BEND3: variants seen among roughly 807,000 people sequenced by gnomAD.
The protein encoded by BEND3 is BEN domain containing 3.
A neutral mutation model predicts 60.1 loss-of-function variants in BEND3; 13 were observed. The ratio of observed to expected loss-of-function variants is 0.22; its 90% confidence interval spans 0.14 to 0.34. The LOEUF is 0.34. Ranked by LOEUF, BEND3 falls within the 10% of genes least tolerant of loss-of-function variation. The pLI, the probability that BEND3 is intolerant of heterozygous loss-of-function variation, is 1.00. For synonymous variants in BEND3, 497 were observed against 491.5 expected, an observed-to-expected ratio of 1.01 and a Z score of -0.15; for missense variants, 896 against 1,138.1, an observed-to-expected ratio of 0.79 and a Z score of 3.06.
chr6:107,092,918 CAA>C (rs1775507262), intron 3 of BEND3, among the ~76,000 whole-genome samples: 1 of 151,964 alleles, frequency 6.6e-6, no homozygotes. Context: ...ATAAACCTAA[CAA>C]AATACATATG....
At chr6:107,088,264 C>G (rs1582656704) in intron 3 of BEND3, among the ~76,000 whole-genome samples, 1 of 151,864 alleles carries the variant, frequency 6.6e-6, no homozygotes, top group Admixed American at 6.6e-5. Flanking sequence ...TTAATAGATA[C>G]CTCAAAAACA....
At position 107,104,345 on chromosome 6, in the gene BEND3, G is replaced by A. The variant is rs532264763; in HGVS notation, c.-11-5049C>T. On this transcript the variant is annotated intron_variant, in intron 1 of 3. Transcript: ENST00000369042. The stretch of plus-strand genomic sequence containing the variant: ...ATCACAAAGAGATAGGCTGGAAAGA[G>A]TTACACACTACAGGACACTTCATCT... Among the ~76,000 whole-genome samples the A allele has an allele frequency of 2.7e-5, 4 of 150,926 alleles. No homozygotes were observed. In the East Asian group the frequency reaches 7.8e-4, roughly 29 times the overall value.
At chr6:107,081,969 C>T (rs1436713037) in intron 3 of BEND3, among the ~76,000 whole-genome samples, 4 of 152,160 alleles carry the variant, frequency 2.6e-5, no homozygotes, top group Admixed American at 6.6e-5. Context: ...ACCTGATGTA[C>T]ACATGGACAC....
intron 1 of BEND3, among the ~76,000 whole-genome samples, chr6:107,114,588 C>G (rs1443064070): frequency 1.3e-5 from 2 of 150,596 alleles, no homozygotes; most frequent in Non-Finnish European, 3.0e-5. Context: ...TCCGACACCC[C>G]CTTCCACACG....
At position 107,073,197 on chromosome 6, in the gene BEND3, GTATGTATA is replaced by G. The variant is rs1183335452; in HGVS notation, c.241-2255_241-2248del. Among the ~76,000 whole-genome samples, 20 of 30,218 alleles carry G rather than the reference GTATGTATA, an allele frequency of 6.6e-4. 2 individuals carry two copies. Among genetic ancestry groups the G allele is most frequent in the South Asian group, 4.9e-3 (5 of 1,028 alleles). 19.8% of individuals were successfully genotyped at this position (30,218 alleles called of 152,430 possible). ...AATACTTCCTTCAGGGTTTGTATGT[GTATGTATA>G]TATATATATATATATATATATATAT... On this transcript the variant is annotated intron_variant, in intron 3 of 3. Coordinates refer to ENST00000369042, the MANE Select transcript of BEND3 (RefSeq NM_001367314.1).
chr6:107,093,906 A>G (rs190442515), intron 3 of BEND3, among the ~76,000 whole-genome samples: 3 of 152,374 alleles, frequency 2.0e-5, no homozygotes, highest in African/African-American at 7.2e-5. Context: ...ATTAAAAGTA[A>G]ACATTTCTGC....
Position 107,069,166 on chromosome 6 carries a change from G to C in BEND3, c.2025C>G (p.Ile675Met). The change falls in exon 4 of 4, where the codon ATC becomes ATG. Residue 675 changes from isoleucine (I) to methionine (M), a missense_variant. Ile to Met is a conservative substitution (Grantham distance 10, BLOSUM62 1). Transcript: ENST00000369042. ...PECRDLTSYA[I>M]NPERFREEFE... ...ACTCCTCCCGGAACCTCTCGGGGTT[G>C]ATTGCATAGCTGGTCAAGTCTCTGC... 2.5e-6 allele frequency: 4 copies of C among 1,612,668 alleles called. No individual in the cohort carries two copies. The highest frequency in any genetic ancestry group is 3.4e-6 in the Non-Finnish European group (4 of 1,180,038).
At chr6:107,114,655 C>T (rs1490048733) in intron 1 of BEND3, among the ~76,000 whole-genome samples, 1 of 135,712 alleles carries the variant, frequency 7.4e-6, no homozygotes, top group Non-Finnish European at 1.7e-5. Context: ...GCCGCGAGTA[C>T]GGCAGAGCCT....
rs559674401 is a variant in BEND3 at position 107,065,222 on chromosome 6, G to C, written c.*3482C>G. On this transcript the variant is annotated 3_prime_UTR_variant, in exon 4 of 4. Transcript: ENST00000369042. The stretch of plus-strand genomic sequence containing the variant: ...AACATTTTATATAACTCATAAAACA[G>C]TGTTTGTATAAAAATTCACACAAAG... 4 of 152,706 alleles carry C rather than the reference G, an allele frequency of 2.6e-5. No homozygotes were observed. The East Asian group carries it at 5.8e-4, about 22-fold the overall frequency. 9.5% of individuals were successfully genotyped at this position (152,706 alleles called of 1,614,324 possible).
chr6:107,089,801 G>T (rs1461586933), intron 3 of BEND3, among the ~76,000 whole-genome samples: 1 of 150,612 alleles, frequency 6.6e-6, no homozygotes, highest in Admixed American at 6.6e-5. Context: ...CACCATGTTG[G>T]CCAGGCTGGT....
intron 1 of BEND3, among the ~76,000 whole-genome samples, chr6:107,106,927 C>G (rs1775827474): frequency 6.9e-6 from 1 of 145,668 alleles, no homozygotes; most frequent in Admixed American, 6.9e-5. Flanking sequence ...GCCCAGTTTT[C>G]AAAGAGGGCT....
intron 1 of BEND3, among the ~76,000 whole-genome samples, chr6:107,104,310 G>T (rs1300117746): frequency 7.0e-6 from 1 of 141,882 alleles, no homozygotes; most frequent in Non-Finnish European, 1.5e-5. Context: ...AAAAAAAAAG[G>T]AAGAACCACA....
chr6:107,095,576 T>G (rs1483742948), intron 3 of BEND3, among the ~76,000 whole-genome samples: 1 of 152,150 alleles, frequency 6.6e-6, no homozygotes, highest in African/African-American at 2.4e-5. Context: ...TATGTCCACA[T>G]GAAAACCTAT....
chr6:107,088,196 T>C (rs1181813812), intron 3 of BEND3, among the ~76,000 whole-genome samples: 1 of 152,090 alleles, frequency 6.6e-6, no homozygotes, highest in Non-Finnish European at 1.5e-5. Flanking sequence ...ATCCTTTTGA[T>C]GGGTTTTTTG....
chr6:107,113,758 G>C (rs1437889403), intron 1 of BEND3: 1 of 151,558 alleles, frequency 6.6e-6, no homozygotes, highest in Non-Finnish European at 1.5e-5. Flanking sequence ...AGGGATGAAT[G>C]GTTTAAAAAA....
intron 3 of BEND3, among the ~76,000 whole-genome samples, chr6:107,088,633 AG>A (rs1775407200): frequency 1.3e-5 from 2 of 152,222 alleles, no homozygotes; most frequent in Admixed American, 6.5e-5. Context: ...CCTATAGAGG[AG>A]CAAAGATAAG....
intron 3 of BEND3, among the ~76,000 whole-genome samples, chr6:107,092,114 G>A (rs781983964): frequency 4.6e-5 from 7 of 152,012 alleles, no homozygotes; most frequent in Non-Finnish European, 8.8e-5. Context: ...AACATTAGCC[G>A]GGTGTAGTGG....
At position 107,065,514 on chromosome 6, in the gene BEND3, G is replaced by A. The variant is rs1198891946; in HGVS notation, c.*3190C>T. On this transcript the variant is annotated 3_prime_UTR_variant, in exon 4 of 4. Coordinates refer to ENST00000369042, the MANE Select transcript of BEND3 (RefSeq NM_001367314.1). Reference sequence around the variant, plus strand: ...TCCCAACAGCAGTAATAGCCCCTTGGCCCTCACCCCCACTTCATGTATCTA... The same window carrying A: ...TCCCAACAGCAGTAATAGCCCCTTGACCCTCACCCCCACTTCATGTATCTA... 6 of 152,180 alleles carry A rather than the reference G, an allele frequency of 3.9e-5. No homozygotes were observed. Among genetic ancestry groups the A allele is most frequent in the Non-Finnish European group, 5.9e-5 (4 of 68,022 alleles). 9.4% of individuals were successfully genotyped at this position (152,180 alleles called of 1,614,324 possible). A position where few individuals can be genotyped will look rare whatever the true frequency, so the allele number is the denominator to read the frequency against.
At position 107,071,704 on chromosome 6, in the gene BEND3, A is replaced by C. The variant is rs188239519; in HGVS notation, c.241-754T>G. 4.6e-5 allele frequency among the ~76,000 whole-genome samples: 7 copies of C among 152,348 alleles called. No individual in the cohort carries two copies. In the East Asian group the frequency reaches 7.7e-4, roughly 17 times the overall value. ...ATACAATGGAATATTACTCAGCAATAAGATATTATTGATACAGTACACAAA... is the reference window on the plus strand; with the variant it reads ...ATACAATGGAATATTACTCAGCAATCAGATATTATTGATACAGTACACAAA... On this transcript the variant is annotated intron_variant, in intron 3 of 3. Coordinates refer to ENST00000369042, the MANE Select transcript of BEND3 (RefSeq NM_001367314.1).
Sources: gnomAD v4.1 joint callset for allele counts (sites outside exome capture counted in the v4.1 genomes callset) on GRCh38, gnomAD v4.1.1 for gene constraint, MANE v1.5 for transcripts, NCBI Gene and HGNC (gene_info 2026-07-23, HGNC 2026-07-21) for gene names.